CDH13: variants seen among roughly 807,000 people sequenced by gnomAD.
CDH13 encodes cadherin-13.
CDH13 carries 24 observed loss-of-function variants against 63.8 expected under a neutral mutation model. The ratio of observed to expected loss-of-function variants is 0.38; its 90% CI spans 0.27 to 0.53. CDH13 has a LOEUF of 0.53. CDH13 is among the 20% of genes least tolerant of loss of function. The pLI is 0.85. For synonymous variants in CDH13, 503 were observed against 355.3 expected (o/e 1.42, Z -4.67); for missense variants, 1,049 against 903.1 (o/e 1.16, Z -2.07).
At chr16:83,568,714 C>T (rs559065559) in intron 7 of CDH13, among the ~76,000 whole-genome samples, 1 of 152,310 alleles carries the variant, frequency 6.6e-6, no homozygotes, top group African/African-American at 2.4e-5. Flanking sequence ...TCTGCAACGT[C>T]TGTAACAGTG....
Position 83,408,703 on chromosome 16 carries a change from T to C in CDH13, c.781+63697T>C, listed in dbSNP as rs577734075. 1.3e-4 allele frequency among the ~76,000 whole-genome samples: 20 copies of C among 152,270 alleles called. No individual in the cohort carries two copies. The South Asian group carries it at 3.9e-3, about 30-fold the overall frequency. On this transcript the variant is annotated intron_variant, in intron 6 of 13. Coordinates refer to ENST00000567109, the MANE Select transcript of CDH13 (RefSeq NM_001257.5). ...GTAACTTTAATAGAAGCATGAAGAA[T>C]GTAGTAGTTGTCATTTGAAAAGGGC... is the stretch of plus-strand genomic sequence containing the variant.
intron 7 of CDH13, among the ~76,000 whole-genome samples, chr16:83,592,284 A>G (rs1906833953): frequency 6.6e-6 from 1 of 152,134 alleles, no homozygotes; most frequent in African/African-American, 2.4e-5. Context: ...GTAAACCTTA[A>G]TTGGTATTAA....
chr16:83,370,871 G>A (rs911883018), intron 6 of CDH13, among the ~76,000 whole-genome samples: 1 of 152,098 alleles, frequency 6.6e-6, no homozygotes, highest in Non-Finnish European at 1.5e-5. Context: ...CCAGTCTACT[G>A]TTGATGGGCA....
intron 2 of CDH13, among the ~76,000 whole-genome samples, chr16:82,924,814 T>G (rs566761095): frequency 2.0e-5 from 3 of 152,278 alleles, no homozygotes; most frequent in South Asian, 4.2e-4. Context: ...AGCTAACATC[T>G]AGAATTTTAT....
intron 1 of CDH13, among the ~76,000 whole-genome samples, chr16:82,810,680 T>C (rs1232654491): frequency 6.6e-6 from 1 of 152,144 alleles, no homozygotes; most frequent in Non-Finnish European, 1.5e-5. Context: ...AGAGAAGATT[T>C]TCAAGTACAT....
chr16:82,680,037 A>G (rs1371698482), intron 1 of CDH13, among the ~76,000 whole-genome samples: 2 of 152,126 alleles, frequency 1.3e-5, no homozygotes, highest in Non-Finnish European at 2.9e-5. Flanking sequence ...TCCAGGATCT[A>G]TGGGGAATTT....
In CDH13 at chr16:82,777,488, T is replaced by G. The variant is rs1832775345; in HGVS notation, c.46-80874T>G. On this transcript the variant is annotated intron_variant, in intron 1 of 13. Transcript: ENST00000567109. ...CAAGAGTTGTGCCCCTGGGTGGGCC[T>G]GAGCTGAAACATCAGGTAGATGCAA... Among the ~76,000 whole-genome samples the G allele has an allele frequency of 2.0e-5, 3 of 152,228 alleles. No individual in the cohort carries two copies. In the South Asian group the frequency reaches 6.2e-4, roughly 31 times the overall value.
intron 1 of CDH13, among the ~76,000 whole-genome samples, chr16:82,849,327 C>G (rs1489128313): frequency 2.0e-5 from 3 of 152,098 alleles, no homozygotes; most frequent in Non-Finnish European, 1.5e-5. Flanking sequence ...CATGGTGAAG[C>G]CCTGTCTCTA....
chr16:83,312,571 G>C (rs2090023651), intron 5 of CDH13, among the ~76,000 whole-genome samples: 1 of 152,128 alleles, frequency 6.6e-6, no homozygotes, highest in African/African-American at 2.4e-5. Context: ...CACCCTTCTT[G>C]GGCAGGTTTG....
intron 3 of CDH13, among the ~76,000 whole-genome samples, chr16:83,101,157 A>G (rs2034459729): frequency 6.6e-6 from 1 of 151,532 alleles, no homozygotes; most frequent in Non-Finnish European, 1.5e-5. Context: ...CATTTATAAT[A>G]TATATTTATA....
At chr16:83,621,430 C>A (rs1398547634) in intron 8 of CDH13, among the ~76,000 whole-genome samples, 3 of 143,890 alleles carry the variant, frequency 2.1e-5, no homozygotes, top group African/African-American at 7.7e-5. Context: ...CTTGAACTTG[C>A]AAACTTCAAC....
At chr16:82,782,087 G>A (rs913238548) in intron 1 of CDH13, among the ~76,000 whole-genome samples, 13 of 152,212 alleles carry the variant, frequency 8.5e-5, no homozygotes, top group African/African-American at 2.7e-4. Flanking sequence ...TCCTCCTAAA[G>A]TGCCCATTTG....
chr16:83,070,279 C>T (rs924726467), intron 3 of CDH13, among the ~76,000 whole-genome samples: 1 of 152,298 alleles, frequency 6.6e-6, no homozygotes, highest in East Asian at 1.9e-4. Context: ...AAGCCACTAT[C>T]AACTTGATAC....
chr16:83,168,075 G>A (rs1479393578), intron 4 of CDH13, among the ~76,000 whole-genome samples: 1 of 151,560 alleles, frequency 6.6e-6, no homozygotes, highest in Admixed American at 6.6e-5. Flanking sequence ...GGGGTATGAG[G>A]GTTGAAAAAC....
intron 6 of CDH13, among the ~76,000 whole-genome samples, chr16:83,381,427 C>T (rs934102050): frequency 2.6e-5 from 4 of 152,002 alleles, no homozygotes; most frequent in African/African-American, 7.3e-5. Context: ...CAGTGTTGTG[C>T]GTTCCCTATC....
chr16:83,516,413 G>A (rs2074700291), intron 7 of CDH13, among the ~76,000 whole-genome samples: 1 of 152,176 alleles, frequency 6.6e-6, no homozygotes, highest in Middle Eastern at 3.2e-3. Flanking sequence ...CAACATTACA[G>A]TAAGCTAAGT....
chr16:83,096,073 G>A (rs1044543861), intron 3 of CDH13, among the ~76,000 whole-genome samples: 12 of 152,240 alleles, frequency 7.9e-5, no homozygotes, highest in African/African-American at 2.2e-4. Context: ...ACCTTGTGCC[G>A]AACTTAACAG....
At chr16:83,235,370 G>T (rs115405907) in intron 5 of CDH13, among the ~76,000 whole-genome samples, 2 of 152,132 alleles carry the variant, frequency 1.3e-5, no homozygotes, top group Admixed American at 1.3e-4. Context: ...ATCCACCATA[G>T]AGCGTTGCTA....
chr16:83,605,348 T>C (rs1239910202), intron 8 of CDH13, among the ~76,000 whole-genome samples: 1 of 152,232 alleles, frequency 6.6e-6, no homozygotes, highest in Non-Finnish European at 1.5e-5. Flanking sequence ...TTCTGTCGTG[T>C]TCCTGAAAGG....
Sources: allele counts gnomAD v4.1 joint callset (sites outside exome capture counted in the v4.1 genomes callset), GRCh38; gene constraint gnomAD v4.1.1; transcripts MANE v1.5; gene names NCBI Gene and HGNC (gene_info 2026-07-23, HGNC 2026-07-21).